CHST15: variants seen among roughly 807,000 people sequenced by gnomAD.
The protein encoded by CHST15 is carbohydrate sulfotransferase 15.
CHST15 carries 30 observed loss-of-function variants against 53.6 expected under a neutral mutation model. That is an observed-to-expected ratio of 0.56 (90% CI 0.42 to 0.76). The LOEUF (loss-of-function observed/expected upper bound fraction) is 0.76. Among genes scored for constraint, CHST15 ranks in the 30% least tolerant of loss-of-function variants. The pLI, the probability that CHST15 is intolerant of heterozygous loss-of-function variation, is 0.00. For missense variants in CHST15, 627 were observed against 740.5 expected (o/e 0.85, Z 1.78); for synonymous variants, 296 against 289.8 (o/e 1.02, Z -0.22).
intron 5 of CHST15, among the ~76,000 whole-genome samples, chr10:124,031,938 G>A (rs1383144701): frequency 6.6e-6 from 1 of 152,112 alleles, no homozygotes; most frequent in Non-Finnish European, 1.5e-5. Flanking sequence ...CAGACACTCA[G>A]CGGGTGAAAG....
Position 124,049,977 on chromosome 10 carries a change from G to A in CHST15, c.-512-3253C>T, listed in dbSNP as rs550185720. Among the ~76,000 whole-genome samples the A allele has an allele frequency of 1.6e-3, 238 of 152,182 alleles. 2 individuals are homozygous for A. The highest frequency in any genetic ancestry group is 5.4e-3 in the African/African-American group (224 of 41,524). ...CTTGAATTGAATGGTAAGATAATCA[G>A]TTAGGTTCTGGAGTTGGAGGATTTG... On this transcript the variant is annotated intron_variant, in intron 1 of 7. Coordinates refer to ENST00000435907, the MANE Select transcript of CHST15 (RefSeq NM_001270764.2).
At chr10:124,023,417 T>C (rs1946867920) in intron 5 of CHST15, among the ~76,000 whole-genome samples, 1 of 151,012 alleles carries the variant, frequency 6.6e-6, no homozygotes, top group African/African-American at 2.4e-5. Flanking sequence ...CCCAGGAAGT[T>C]GAGGCTGCAG....
Position 124,024,766 on chromosome 10 carries a change from C to A in CHST15, c.1191-3354G>T, listed in dbSNP as rs1946929893. On this transcript the variant is annotated intron_variant, in intron 5 of 7. Transcript: ENST00000435907. This position sits in a 1 kb window ranked among gnomAD's most constrained non-coding sequence, Gnocchi z 4.0. The stretch of plus-strand genomic sequence containing the variant: ...AGTGCCAAAATCAGACACGCGTGAA[C>A]CTTCAAGCAAGGTTTGGCTGTGTGC... Among the ~76,000 whole-genome samples the A allele has an allele frequency of 6.6e-6, 1 of 152,178 alleles. No homozygotes were observed. Among genetic ancestry groups the A allele is most frequent in the Non-Finnish European group, 1.5e-5 (1 of 68,030 alleles).
chr10:124,082,359 C>T (rs1160672488), intron 1 of CHST15, among the ~76,000 whole-genome samples: 3 of 152,156 alleles, frequency 2.0e-5, no homozygotes, highest in African/African-American at 7.2e-5. Context: ...TGGCCCTCAG[C>T]TTCCCCATCT....
At chr10:124,091,032 A>G (rs543108267) in intron 1 of CHST15, among the ~76,000 whole-genome samples, 45 of 152,270 alleles carry the variant, frequency 3.0e-4, no homozygotes, top group African/African-American at 1.1e-3. Context: ...CAGCTCACCT[A>G]TGTGCCCACA....
At chr10:124,063,028 G>T (rs2134111992) in intron 1 of CHST15, among the ~76,000 whole-genome samples, 1 of 152,174 alleles carries the variant, frequency 6.6e-6, no homozygotes, top group South Asian at 2.1e-4. Context: ...TGAAAACGCT[G>T]GTCCCACCAA....
At chr10:124,060,881 G>A (rs1016589412) in intron 1 of CHST15, among the ~76,000 whole-genome samples, 8 of 152,172 alleles carry the variant, frequency 5.3e-5, no homozygotes, top group Admixed American at 2.6e-4. Flanking sequence ...CTTTGAGTAC[G>A]AAGAGGAAAG....
At chr10:124,037,774 C>A (rs1470634235) in intron 5 of CHST15, among the ~76,000 whole-genome samples, 2 of 152,196 alleles carry the variant, frequency 1.3e-5, no homozygotes, top group African/African-American at 2.4e-5. Flanking sequence ...TCCTTTTGGT[C>A]TCTCAAGGAA....
chr10:124,043,271 G>A (rs564683308), intron 3 of CHST15, among the ~76,000 whole-genome samples: 1 of 152,286 alleles, frequency 6.6e-6, no homozygotes, highest in East Asian at 1.9e-4. Context: ...TTTTCATTAA[G>A]GGGAAATCAC....
Position 124,046,283 on chromosome 10 carries a change from C to T in CHST15, c.-71G>A. Reference sequence around the variant, plus strand: ...GGCCCCCCACGAGTCTGGATGTCCGCAAGTCGTGCTAGAAAACCTTAAGAA... The same window carrying T: ...GGCCCCCCACGAGTCTGGATGTCCGTAAGTCGTGCTAGAAAACCTTAAGAA... On this transcript the variant is annotated 5_prime_UTR_variant, in exon 2 of 8. Coordinates refer to ENST00000435907, the MANE Select transcript of CHST15 (RefSeq NM_001270764.2). 7.0e-7 allele frequency: 1 copy of T among 1,438,496 alleles called. No individual in the cohort carries two copies. Among genetic ancestry groups the T allele is most frequent in the Non-Finnish European group, 9.4e-7 (1 of 1,068,912 alleles). 89.1% of individuals were successfully genotyped at this position (1,438,496 alleles called of 1,614,324 possible).
At chr10:124,051,132 G>A (rs541398357) in intron 1 of CHST15, among the ~76,000 whole-genome samples, 11 of 152,104 alleles carry the variant, frequency 7.2e-5, no homozygotes, top group South Asian at 6.2e-4. Flanking sequence ...TAATAGAGAC[G>A]GAGTTTCACC....
intron 1 of CHST15, among the ~76,000 whole-genome samples, chr10:124,056,311 T>C (rs1178726458): frequency 2.0e-5 from 3 of 152,178 alleles, no homozygotes; most frequent in African/African-American, 4.8e-5. Flanking sequence ...GAGGGAAGCA[T>C]CCCAGGAGGC....
intron 1 of CHST15, among the ~76,000 whole-genome samples, chr10:124,091,248 A>G (rs1323049961): frequency 6.6e-6 from 1 of 152,244 alleles, no homozygotes; most frequent in East Asian, 1.9e-4. Context: ...TGTATCAATC[A>G]AGAGATCCTA....
At chr10:124,037,051 C>T (rs576895163) in intron 5 of CHST15, among the ~76,000 whole-genome samples, 20 of 152,296 alleles carry the variant, frequency 1.3e-4, no homozygotes, top group African/African-American at 4.6e-4. Context: ...CTTCTGGTGG[C>T]TGCCGGCACT....
intron 1 of CHST15, among the ~76,000 whole-genome samples, chr10:124,079,759 C>G (rs936745479): frequency 6.6e-6 from 1 of 152,214 alleles, no homozygotes. Context: ...GAGCAAGGGC[C>G]AGGTCTCTGT....
At chr10:124,045,635 C>T in intron 2 of CHST15, 32 bp downstream of exon 2, 15 of 1,512,436 alleles carry the variant, frequency 9.9e-6, no homozygotes, top group Non-Finnish European at 1.3e-5. Context: ...AAAAATCAAC[C>T]AATCAGTCAA....
Position 124,046,081 on chromosome 10 carries a change from C to T in CHST15, c.132G>A (p.Leu44=), listed in dbSNP as rs768713286. The change falls in exon 2 of 8, where the codon CTG becomes CTA. Residue 44 remains leucine (L), a synonymous_variant. Coordinates refer to ENST00000435907, the MANE Select transcript of CHST15 (RefSeq NM_001270764.2). Reference sequence around the variant, plus strand: ...TCATCTGCTTACTGTCCACACGAAACAGAATTTTGTTTTCTCCTTTGCACG... The same window carrying T: ...TCATCTGCTTACTGTCCACACGAAATAGAATTTTGTTTTCTCCTTTGCACG... ...CPTCKGENKI[L]FRVDSKQMNL... The T allele has an allele frequency of 1.9e-6, 3 of 1,614,240 alleles. No homozygotes were observed. The Admixed American group carries it at 5.0e-5, about 27-fold the overall frequency.
At position 124,019,891 on chromosome 10, in the gene CHST15, C is replaced by T. The variant is rs551032131; in HGVS notation, c.1347+1365G>A. The T allele has an allele frequency of 1.5e-5, 15 of 985,930 alleles. No individual in the cohort carries two copies. The highest frequency in any genetic ancestry group is 1.8e-5 in the Non-Finnish European group (15 of 830,428). The allele number at this position is 985,930 out of a possible 1,614,324, so 61.1% of individuals were successfully genotyped here. A position where few individuals can be genotyped will look rare whatever the true frequency, so the allele number is the denominator to read the frequency against. On this transcript the variant is annotated intron_variant, in intron 6 of 7. Transcript: ENST00000435907. The surrounding 1 kb of genome is among the most constrained non-coding windows in gnomAD (Gnocchi z 4.6). ...CCCACACCAGGCGGCTGGCTGCGTTCTGTATGGTAGGTGGTGCTGACCACT... is the reference window on the plus strand; with the variant it reads ...CCCACACCAGGCGGCTGGCTGCGTTTTGTATGGTAGGTGGTGCTGACCACT...
intron 7 of CHST15, chr10:124,011,061 A>C: frequency 1.0e-6 from 1 of 982,866 alleles, no homozygotes; most frequent in Non-Finnish European, 1.2e-6. Flanking sequence ...GAGGCCCTGG[A>C]AAAGGCCGGG....
Sources: gnomAD v4.1 joint callset for allele counts (sites outside exome capture counted in the v4.1 genomes callset) on GRCh38, gnomAD v4.1.1 for gene constraint, Gnocchi (gnomAD v3.1) non-coding constraint, MANE v1.5 for transcripts, NCBI Gene and HGNC (gene_info 2026-07-23, HGNC 2026-07-21) for gene names.